Variants in SERPINB10 observed in about 807,000 individuals in gnomAD.
The protein encoded by SERPINB10 is serpin B10.
In SERPINB10, 35 loss-of-function variants were observed where a neutral mutation model predicts 39.1. The observed-to-expected ratio is 0.90, with a 90% CI of 0.68 to 1.19. The LOEUF (loss-of-function observed/expected upper bound fraction) is 1.19, where lower values mean the gene tolerates loss of function less well. SERPINB10 is among the 50% of genes most tolerant of loss of function. SERPINB10 has a pLI of 0.00. For synonymous variants in SERPINB10, 190 were observed against 158.1 expected (o/e 1.20, Z -1.52); for missense variants, 546 against 460.5 (o/e 1.19, Z -1.70).
In SERPINB10 at chr18:63,919,788, A is replaced by G; in HGVS notation, c.373A>G (p.Lys125Glu). 1 of 1,574,954 alleles carries G rather than the reference A, an allele frequency of 6.3e-7. No homozygotes were observed. Reference protein sequence around the residue: ...YGEKTYAFHNKYLEDMKTYFG... With the variant: ...YGEKTYAFHNEYLEDMKTYFG... ...GGGGATTTTTATCTATGTCTTTCAG[A>G]AATATTTAGAAGACATGAAAACATA... Residue 125 changes from lysine (K) to glutamate (E), a missense_variant and splice_region_variant, in exon 5 of 8, where the codon AAA becomes GAA. Transcript: ENST00000238508.
intron 2 of SERPINB10, 111 bp downstream of exon 2, chr18:63,915,789 T>G (rs1426860677): frequency 1.0e-6 from 1 of 965,026 alleles, no homozygotes; most frequent in African/African-American, 1.7e-5. Context: ...CACAATAACA[T>G]TCTCTAAAAC....
At chr18:63,911,582 T>C (rs1398443447) in intron 1 of SERPINB10, among the ~76,000 whole-genome samples, 1 of 151,936 alleles carries the variant, frequency 6.6e-6, no homozygotes, top group Non-Finnish European at 1.5e-5. Context: ...AGGTTAGATG[T>C]CTGTAGGTGT....
chr18:63,933,631 C>A (rs1374525021), intron 7 of SERPINB10, among the ~76,000 whole-genome samples: 1 of 152,146 alleles, frequency 6.6e-6, no homozygotes, highest in Non-Finnish European at 1.5e-5. Context: ...TATACACACA[C>A]GTACGCAGAC....
In SERPINB10 at chr18:63,935,047, G is replaced by T; in HGVS notation, c.999G>T (p.Leu333Phe). 3.1e-6 allele frequency: 5 copies of T among 1,613,988 alleles called. No individual in the cohort carries two copies. The highest frequency in any genetic ancestry group is 4.2e-6 in the Non-Finnish European group (5 of 1,179,974). The part of the protein sequence containing the change: ...SGMSSARNLF[L>F]SNVFHKAFVE... ...TGTCTTCAGCAAGAAACCTATTTTT[G>T]TCCAATGTTTTCCATAAGGCTTTTG... Residue 333 changes from leucine (L) to phenylalanine (F), a missense_variant, in exon 8 of 8, where the codon TTG becomes TTT. Leu to Phe is a conservative substitution (Grantham distance 22). Coordinates refer to ENST00000238508, the MANE Select transcript of SERPINB10 (RefSeq NM_005024.3).
rs751477023 is a variant in SERPINB10, at chr18:63,934,848, C to G, written c.800C>G (p.Ala267Gly). ...DINGLEQLEKAITYEKLNEWT... is the reference protein window; with the variant it reads ...DINGLEQLEKGITYEKLNEWT... ...GTTCCAAATGGGCAGCTGGAAAAGGCCATCACCTATGAGAAGCTGAATGAG... is the reference window on the plus strand; with the variant it reads ...GTTCCAAATGGGCAGCTGGAAAAGGGCATCACCTATGAGAAGCTGAATGAG... Residue 267 changes from alanine (A) to glycine (G), a missense_variant, in exon 8 of 8, where the codon GCC (alanine) becomes GGC (glycine). By Grantham distance (60) the Ala-to-Gly change is moderately conservative (BLOSUM62 0). Transcript: ENST00000238508. 2 of 1,595,810 alleles carry G rather than the reference C, an allele frequency of 1.3e-6. No individual in the cohort carries two copies. The highest frequency in any genetic ancestry group is 1.7e-6 in the Non-Finnish European group (2 of 1,172,124).
intron 1 of SERPINB10, among the ~76,000 whole-genome samples, chr18:63,908,955 A>G (rs1434942534): frequency 6.6e-6 from 1 of 152,068 alleles, no homozygotes; most frequent in East Asian, 1.9e-4. Flanking sequence ...CACAGTCAAG[A>G]TAACACAGTT....
At chr18:63,917,918 T>C in intron 3 of SERPINB10, 47 bp from the exon 4 acceptor site, 1 of 1,570,206 alleles carries the variant, frequency 6.4e-7, no homozygotes, top group South Asian at 1.1e-5. Context: ...AACATGTACG[T>C]AACTCTTGTT....
chr18:63,933,211 A>T lies in SERPINB10; in HGVS notation c.789+8A>T. Reference sequence around the variant, plus strand: ...ATTAATGGGCTGGAACAGGTAAATAACATCAGTGTGTCTGATGTGAGGGTG... The same window carrying T: ...ATTAATGGGCTGGAACAGGTAAATATCATCAGTGTGTCTGATGTGAGGGTG... On this transcript the variant is annotated splice_region_variant and intron_variant, in intron 7 of 7. Coordinates refer to ENST00000238508, the MANE Select transcript of SERPINB10 (RefSeq NM_005024.3). The T allele has an allele frequency of 1.2e-6, 2 of 1,613,828 alleles. No individual in the cohort carries two copies. The highest frequency in any genetic ancestry group is 1.7e-6 in the Non-Finnish European group (2 of 1,179,818).
At chr18:63,932,907 C>T in intron 6 of SERPINB10, 141 bp from the exon 7 acceptor site, 1 of 719,926 alleles carries the variant, frequency 1.4e-6, no homozygotes, top group Non-Finnish European at 2.3e-6. Context: ...AAAGGAAGGT[C>T]TGGATAACTT....
intron 1 of SERPINB10, among the ~76,000 whole-genome samples, chr18:63,909,368 C>T (rs2050047832): frequency 6.6e-6 from 1 of 152,014 alleles, no homozygotes. Context: ...CCTCACAATT[C>T]TACACCCTTC....
chr18:63,912,554 GT>G lies in SERPINB10; in HGVS notation c.-9-2943del, dbSNP rs370946861. On this transcript the variant is annotated intron_variant, in intron 1 of 7. Transcript: ENST00000238508. ...CTATTGAGATGATCAGATGTTTTTT[GT>G]TTTTAATTGTGTGGTAAATCACATT... Among the ~76,000 whole-genome samples, 25 of 151,916 alleles carry G rather than the reference GT, an allele frequency of 1.6e-4. No individual in the cohort carries two copies. In the South Asian group the frequency reaches 5.0e-3, roughly 30 times the overall value.
At chr18:63,911,793 G>GT (rs34655729) in intron 1 of SERPINB10, among the ~76,000 whole-genome samples, 39,549 of 151,844 alleles carry the variant, frequency 0.26, 5,805 homozygotes, top group African/African-American at 0.39. Flanking sequence ...ATTTAGAATA[G>GT]TTTTTCCAAT....
chr18:63,930,253 T>C (rs1490893634), intron 6 of SERPINB10, 66 bp downstream of exon 6: 2 of 1,528,258 alleles, frequency 1.3e-6, no homozygotes, highest in Non-Finnish European at 1.8e-6. Flanking sequence ...CTCTTATAAA[T>C]TCACTCTTCT....
intron 1 of SERPINB10, among the ~76,000 whole-genome samples, chr18:63,911,580 T>A (rs2050064757): frequency 6.6e-6 from 1 of 152,074 alleles, no homozygotes. Context: ...AAAGGTTAGA[T>A]GTCTGTAGGT....
At chr18:63,934,038 T>TA (rs1378234804) in intron 7 of SERPINB10, among the ~76,000 whole-genome samples, 1 of 152,166 alleles carries the variant, frequency 6.6e-6, no homozygotes, top group East Asian at 1.9e-4. Flanking sequence ...CCTTGTAAGA[T>TA]AAAAACCTAG....
chr18:63,917,011 T>A (rs753501026), intron 2 of SERPINB10, among the ~76,000 whole-genome samples: 11 of 151,748 alleles, frequency 7.2e-5, no homozygotes, highest in Admixed American at 2.0e-4. Flanking sequence ...ATATGTCAAG[T>A]GGTGGTAGAC....
intron 4 of SERPINB10, among the ~76,000 whole-genome samples, chr18:63,919,373 C>T (rs2050129421): frequency 6.6e-6 from 1 of 151,836 alleles, no homozygotes; most frequent in Admixed American, 6.6e-5. Context: ...AAGGAAGCTA[C>T]CAGTATCACA....
chr18:63,934,839 T>C lies in SERPINB10; in HGVS notation c.791T>C (p.Leu264Pro). 1 of 1,585,186 alleles carries C rather than the reference T, an allele frequency of 6.3e-7. No individual in the cohort carries two copies. Among genetic ancestry groups the C allele is most frequent in the Non-Finnish European group, 8.6e-7 (1 of 1,167,500 alleles). The change falls in exon 8 of 8, where the codon CTG becomes CCG. Residue 264 changes from leucine (L) to proline (P), a missense_variant and splice_region_variant. Coordinates refer to ENST00000238508, the MANE Select transcript of SERPINB10 (RefSeq NM_005024.3). ...LPEDINGLEQ[L>P]EKAITYEKLN... ...TCTTTCTTGGTTCCAAATGGGCAGC[T>C]GGAAAAGGCCATCACCTATGAGAAG...
chr18:63,915,638 A>G lies in SERPINB10; in HGVS notation c.128A>G (p.Tyr43Cys), dbSNP rs2050096480. 1 of 1,612,088 alleles carries G rather than the reference A, an allele frequency of 6.2e-7. No individual in the cohort carries two copies. Among genetic ancestry groups the G allele is most frequent in the Non-Finnish European group, 8.5e-7 (1 of 1,178,826 alleles). ...ATCTCAACTTCCTTGACCATAGTGT[A>G]TTTGGGCGCCAAAGGTACCACTGCA... ...WSISTSLTIV[Y>C]LGAKGTTAAQ... The change falls in exon 2 of 8, where the codon TAT becomes TGT. Residue 43 changes from tyrosine to cysteine, a missense_variant. Physicochemically the swap from Tyr to Cys is radical, Grantham distance 194. Transcript: ENST00000238508.
Sources: allele counts gnomAD v4.1 joint callset (sites outside exome capture counted in the v4.1 genomes callset), GRCh38; gene constraint gnomAD v4.1.1; transcripts MANE v1.5; gene names NCBI Gene and HGNC (gene_info 2026-07-23, HGNC 2026-07-21).